MRM1: variants seen among roughly 807,000 people sequenced by gnomAD.
The protein encoded by MRM1 is mitochondrial rRNA methyltransferase 1, also known as rRNA methyltransferase 1, mitochondrial.
MRM1 carries 24 observed loss-of-function variants against 25.0 expected under a neutral mutation model. The ratio of observed to expected loss-of-function variants is 0.96; its 90% CI spans 0.69 to 1.35. The LOEUF (loss-of-function observed/expected upper bound fraction) is 1.35. Among genes scored for constraint, MRM1 ranks in the 40% most tolerant of loss-of-function variants. The pLI is 0.00. For synonymous variants in MRM1, 188 were observed against 199.2 expected (o/e 0.94, Z 0.47); for missense variants, 431 against 464.1 (o/e 0.93, Z 0.65).
At chr17:36,615,387 G>A in the MRM1 span, among the ~76,000 whole-genome samples, 6 of 152,310 alleles carry the variant, frequency 3.9e-5, no homozygotes, top group African/African-American at 7.2e-5. Context: ...GCTGGCGGGC[G>A]CGGTGGCTCA....
chr17:36,620,354 C>T, the MRM1 span, among the ~76,000 whole-genome samples: 5 of 152,058 alleles, frequency 3.3e-5, no homozygotes, highest in African/African-American at 1.2e-4. Context: ...GGAATGATGA[C>T]GTGTTTAGCC....
chr17:36,610,824 C>G (rs536445810), downstream of MRM1, among the ~76,000 whole-genome samples: 2 of 151,650 alleles, frequency 1.3e-5, no homozygotes, highest in African/African-American at 4.8e-5. Flanking sequence ...TTTATTTTTT[C>G]TTTTTTTGAG....
At chr17:36,626,884 G>C in the MRM1 span, among the ~76,000 whole-genome samples, 1 of 152,212 alleles carries the variant, frequency 6.6e-6, no homozygotes, top group African/African-American at 2.4e-5. Flanking sequence ...GATTATTCAA[G>C]ATGTAGGTTT....
chr17:36,621,771 C>T, the MRM1 span, among the ~76,000 whole-genome samples: 1 of 152,006 alleles, frequency 6.6e-6, no homozygotes. Context: ...GGCAAGGGGG[C>T]CCCCAGCCCC....
the MRM1 span, among the ~76,000 whole-genome samples, chr17:36,629,673 C>T: frequency 9.3e-5 from 8 of 85,674 alleles, no homozygotes; most frequent in South Asian, 4.2e-4. Flanking sequence ...GGGCTGAAAG[C>T]GGGGCAGTGG....
chr17:36,627,133 G>A, the MRM1 span, among the ~76,000 whole-genome samples: 2 of 152,202 alleles, frequency 1.3e-5, no homozygotes, highest in African/African-American at 4.8e-5. Flanking sequence ...ACCTGGGCTG[G>A]GACATTTCCC....
At chr17:36,612,470 C>T (rs923406128), downstream of MRM1, among the ~76,000 whole-genome samples, 4 of 152,150 alleles carry the variant, frequency 2.6e-5, no homozygotes, top group East Asian at 7.7e-4. Context: ...TGGTACCTGG[C>T]GCGGTGCCTA....
At chr17:36,613,920 T>A (rs2074991870), downstream of MRM1, among the ~76,000 whole-genome samples, 1 of 152,086 alleles carries the variant, frequency 6.6e-6, no homozygotes, top group Admixed American at 6.5e-5. Context: ...TGATTGAGCC[T>A]CAGTTTCTTA....
chr17:36,606,740 T>A (rs2074932103), intron 2 of MRM1, among the ~76,000 whole-genome samples: 1 of 151,638 alleles, frequency 6.6e-6, no homozygotes. Flanking sequence ...CCCAAATAGC[T>A]GGGACTACAG....
At chr17:36,606,488 C>T (rs1049210998) in intron 2 of MRM1, among the ~76,000 whole-genome samples, 6 of 149,728 alleles carry the variant, frequency 4.0e-5, no homozygotes, top group East Asian at 3.9e-4. Flanking sequence ...AATCTTAGCT[C>T]GCTGCAATGT....
At chr17:36,606,593 A>C (rs2074930158) in intron 2 of MRM1, among the ~76,000 whole-genome samples, 1 of 145,278 alleles carries the variant, frequency 6.9e-6, no homozygotes, top group African/African-American at 2.6e-5. Context: ...TTTCACCATG[A>C]TGCTCAGGCT....
In MRM1 at chr17:36,601,854, T is replaced by C. The variant is rs2074871249; in HGVS notation, c.44T>C (p.Leu15Pro). ...STVRGATWGR[L>P]VTRHFSHAAR... ...GTCCGGGGCGCGACCTGGGGTCGCC[T>C]CGTCACCCGTCATTTCTCCCATGCA... is the stretch of plus-strand genomic sequence containing the variant. The change falls in exon 1 of 5, where the codon CTC becomes CCC. Residue 15 changes from leucine (L) to proline (P), a missense_variant. Transcript: ENST00000614766. The C allele has an allele frequency of 1.3e-6, 2 of 1,596,198 alleles. No individual in the cohort carries two copies. Among genetic ancestry groups the C allele is most frequent in the Non-Finnish European group, 1.7e-6 (2 of 1,172,916 alleles).
At chr17:36,617,584 C>G in the MRM1 span, among the ~76,000 whole-genome samples, 2 of 151,862 alleles carry the variant, frequency 1.3e-5, no homozygotes, top group Non-Finnish European at 2.9e-5. Flanking sequence ...TGAGTAGAGG[C>G]GGGGTTTCAC....
At chr17:36,605,343 CTTTTTTT>C (rs71159625) in intron 2 of MRM1, among the ~76,000 whole-genome samples, 1 of 144,862 alleles carries the variant, frequency 6.9e-6, no homozygotes, top group East Asian at 2.0e-4. Flanking sequence ...TTTTCTTTTT[CTTTTTTT>C]TTTTGTAGAG....
At chr17:36,616,722 TTTTG>T in the MRM1 span, among the ~76,000 whole-genome samples, 3 of 152,038 alleles carry the variant, frequency 2.0e-5, no homozygotes, top group Non-Finnish European at 4.4e-5. Context: ...TTACCATACT[TTTTG>T]TTTGTTTGTT....
chr17:36,612,917 GCCT>G (rs2074985289), downstream of MRM1, among the ~76,000 whole-genome samples: 1 of 152,150 alleles, frequency 6.6e-6, no homozygotes, highest in Non-Finnish European at 1.5e-5. Flanking sequence ...AACCAACCTG[GCCT>G]CCGTTTTCCT....
chr17:36,602,053 G>A lies in MRM1; in HGVS notation c.243G>A (p.Leu81=). ...RLLLQAGKAG[L]QGKRAELLRM... Reference sequence around the variant, plus strand: ...TGCTCCAGGCGGGTAAAGCTGGGCTGCAGGGGAAGCGGGCCGAGCTGCTCC... The same window carrying A: ...TGCTCCAGGCGGGTAAAGCTGGGCTACAGGGGAAGCGGGCCGAGCTGCTCC... Residue 81 remains leucine (L), a synonymous_variant, in exon 1 of 5, where the codon CTG becomes CTA. Coordinates refer to ENST00000614766, the MANE Select transcript of MRM1 (RefSeq NM_024864.5). The surrounding 1 kb of genome is among the most constrained non-coding windows in gnomAD (Gnocchi z 4.1). 6.2e-7 allele frequency: 1 copy of A among 1,610,110 alleles called. No homozygotes were observed. Among genetic ancestry groups the A allele is most frequent in the Non-Finnish European group, 8.5e-7 (1 of 1,179,042 alleles).
At position 36,602,716 on chromosome 17, in the gene MRM1, C is replaced by G. The variant is rs2074891299; in HGVS notation, c.636+70C>G. ...AGCCTCTTCAAGGGGACGAAGCTAG[C>G]CCCTGGCGAGGGAGAGAAAGGGGCA... On this transcript the variant is annotated intron_variant, in intron 2 of 4. Coordinates refer to ENST00000614766, the MANE Select transcript of MRM1 (RefSeq NM_024864.5). The surrounding 1 kb of genome is among the most constrained non-coding windows in gnomAD (Gnocchi z 4.1). 1.3e-6 allele frequency: 2 copies of G among 1,560,894 alleles called. No individual in the cohort carries two copies. Among genetic ancestry groups the G allele is most frequent in the Non-Finnish European group, 1.8e-6 (2 of 1,133,132 alleles).
rs1242200577 is a variant in MRM1, at chr17:36,607,769, T to C, written c.736T>C (p.Phe246Leu). The C allele has an allele frequency of 1.2e-6, 2 of 1,613,120 alleles. No individual in the cohort carries two copies. The highest frequency in any genetic ancestry group is 3.3e-5 in the Admixed American group (2 of 59,946). ...GATCCCCATCATGAGTTGCTTGGAG[T>C]TCCTCTGGGAACGGCCTACTCTCCT... Reference protein sequence around the residue: ...SEIPIMSCLEFLWERPTLLVL... With the variant: ...SEIPIMSCLELLWERPTLLVL... Residue 246 changes from phenylalanine (F) to leucine (L), a missense_variant, in exon 3 of 5, where the codon TTC becomes CTC. Coordinates refer to ENST00000614766, the MANE Select transcript of MRM1 (RefSeq NM_024864.5).
Sources: gnomAD v4.1 joint callset for allele counts (sites outside exome capture counted in the v4.1 genomes callset) on GRCh38, gnomAD v4.1.1 for gene constraint, Gnocchi (gnomAD v3.1) non-coding constraint, MANE v1.5 for transcripts, NCBI Gene and HGNC (gene_info 2026-07-23, HGNC 2026-07-21) for gene names.